SOX5: variants seen among roughly 807,000 people sequenced by gnomAD.
SOX5 encodes SRY-box transcription factor 5.
Under a neutral mutation model 92.0 loss-of-function variants are expected in SOX5, and 9 were observed. The observed-to-expected ratio is 0.10, with a 90% CI of 0.06 to 0.17. SOX5 has a LOEUF of 0.17. Ranked by LOEUF, SOX5 falls within the 10% of genes least tolerant of loss-of-function variation. SOX5 has a pLI of 1.00. For synonymous variants in SOX5, 344 were observed against 336.3 expected (o/e 1.02, Z -0.25); for missense variants, 642 against 944.5 (o/e 0.68, Z 4.20).
chr12:23,713,536 T>G (rs2092243372), intron 6 of SOX5, among the ~76,000 whole-genome samples: 1 of 151,910 alleles, frequency 6.6e-6, no homozygotes, highest in African/African-American at 2.4e-5. Flanking sequence ...CCTAGGGAAT[T>G]TGTGGGATGT....
intron 2 of SOX5, among the ~76,000 whole-genome samples, chr12:23,855,909 A>G (rs898494821): frequency 1.3e-5 from 2 of 151,980 alleles, no homozygotes; most frequent in Non-Finnish European, 2.9e-5. Context: ...AGAGCTAAAG[A>G]CCTATTTTTC....
intron 2 of SOX5, among the ~76,000 whole-genome samples, chr12:24,348,049 CAAAAAA>C: frequency 1.4e-5 from 1 of 72,734 alleles, no homozygotes; most frequent in African/African-American, 4.7e-5. Context: ...TACAGCTAAT[CAAAAAA>C]AAAAAAAAAA....
At chr12:24,074,645 A>AAAAAAAAAAAAAAAAAAAAT (rs1942281802) in intron 4 of SOX5, among the ~76,000 whole-genome samples, 1 of 150,822 alleles carries the variant, frequency 6.6e-6, no homozygotes, top group Non-Finnish European at 1.5e-5. Flanking sequence ...AAAAAAAAAA[A>AAAAAAAAAAAAAAAAAAAAT]AAAAAAAAGC....
intron 2 of SOX5, among the ~76,000 whole-genome samples, chr12:24,317,499 T>A (rs1183283762): frequency 6.6e-6 from 1 of 152,230 alleles, no homozygotes; most frequent in African/African-American, 2.4e-5. Context: ...GATTTTCGTT[T>A]CTATTCCTTA....
At chr12:24,327,594 ATTTTTT>A (rs1223477069) in intron 2 of SOX5, among the ~76,000 whole-genome samples, 1 of 148,590 alleles carries the variant, frequency 6.7e-6, no homozygotes, top group Admixed American at 6.7e-5. Context: ...TTTTATTTTT[ATTTTTT>A]TTAGACAGAG....
In SOX5 at chr12:24,249,948, T is replaced by A. The variant is rs866808223; in HGVS notation, c.-77+27268A>T. On this transcript the variant is annotated intron_variant, in intron 3 of 4. Coordinates refer to the SOX5 transcript ENST00000446891. ...AAGGAAGGGAAATAGTATCACGATA[T>A]TTAAACCACAAGAAAGCCCTGCTTT... is the stretch of plus-strand genomic sequence containing the variant. 2.0e-5 allele frequency among the ~76,000 whole-genome samples: 3 copies of A among 152,302 alleles called. No individual in the cohort carries two copies. The Middle Eastern group carries it at 0.01, about 518-fold the overall frequency.
rs138200639 is a variant in SOX5 at position 23,573,194 on chromosome 12, C to T, written c.1342+2467G>A. ...CTCTCCCCCCTTGAAGAGTAATATA[C>T]ATATTCCTATTTTAAAACCTGTCTC... On this transcript the variant is annotated intron_variant, in intron 10 of 14. Transcript: ENST00000451604. Among the ~76,000 whole-genome samples the T allele has an allele frequency of 2.2e-3, 338 of 152,212 alleles. 3 individuals carry two copies. Among genetic ancestry groups the T allele is most frequent in the African/African-American group, 7.6e-3 (314 of 41,534 alleles).
chr12:24,299,081 T>C (rs1947653930), intron 2 of SOX5, among the ~76,000 whole-genome samples: 1 of 152,234 alleles, frequency 6.6e-6, no homozygotes, highest in East Asian at 1.9e-4. Context: ...TTGTCTTTTC[T>C]CTACTTTGCA....
At chr12:24,265,516 C>T (rs1942882140) in intron 3 of SOX5, among the ~76,000 whole-genome samples, 1 of 151,966 alleles carries the variant, frequency 6.6e-6, no homozygotes, top group South Asian at 2.1e-4. Context: ...TGTACTCCAG[C>T]CTGGGCAACA....
intron 4 of SOX5, among the ~76,000 whole-genome samples, chr12:24,065,645 CAAAA>C (rs71445983): frequency 5.3e-4 from 43 of 81,618 alleles, no homozygotes; most frequent in Non-Finnish European, 7.3e-4. Context: ...GACTCCATCT[CAAAA>C]AAAAAAAAAA....
chr12:23,543,996 C>T (rs909884197), intron 12 of SOX5, among the ~76,000 whole-genome samples: 22 of 152,294 alleles, frequency 1.4e-4, no homozygotes, highest in African/African-American at 5.3e-4. Flanking sequence ...AATGACAGGT[C>T]TGCCCCCCAA....
At position 24,056,244 on chromosome 12, in the gene SOX5, C is replaced by T. The variant is rs77890142; in HGVS notation, c.-2+157099G>A. On this transcript the variant is annotated intron_variant, in intron 4 of 4. Transcript: ENST00000446891. ...TCCCCACCTTTGAAAAGTCCAAGAC[C>T]GAGAGACCCACCATGTAGATCCACA... Among the ~76,000 whole-genome samples, 956 of 149,890 alleles carry T rather than the reference C, an allele frequency of 6.4e-3. 12 individuals are homozygous for T. Among genetic ancestry groups the T allele is most frequent in the South Asian group, 0.037 (172 of 4,698 alleles).
intron 4 of SOX5, among the ~76,000 whole-genome samples, chr12:24,128,703 T>C (rs1949354521): frequency 6.6e-6 from 1 of 152,116 alleles, no homozygotes; most frequent in Admixed American, 6.6e-5. Context: ...CAGGGCCTTT[T>C]TGGTCATGGC....
At chr12:23,849,726 A>G (rs2096610720) in intron 2 of SOX5, among the ~76,000 whole-genome samples, 1 of 152,220 alleles carries the variant, frequency 6.6e-6, no homozygotes, top group African/African-American at 2.4e-5. Context: ...ACCACATTCC[A>G]GACTTATAAA....
At chr12:23,949,159 C>T (rs1220913876) in intron 1 of SOX5, among the ~76,000 whole-genome samples, 1 of 152,038 alleles carries the variant, frequency 6.6e-6, no homozygotes, top group African/African-American at 2.4e-5. Flanking sequence ...CTTCTGTCAC[C>T]CTAGAAATTA....
rs184653587 is a variant in SOX5 at position 24,096,478 on chromosome 12, A to C, written c.-2+116865T>G. On this transcript the variant is annotated intron_variant, in intron 4 of 4. Transcript: ENST00000446891. ...TCCCATTCTTCCTTTCCCTGAGCCC[A>C]AAAACCACCATTCTACTTCCTGTCT... 5.0e-4 allele frequency among the ~76,000 whole-genome samples: 76 copies of C among 152,238 alleles called. 1 individual carries two copies. The highest frequency in any genetic ancestry group is 1.7e-3 in the African/African-American group (71 of 41,546).
In SOX5 at chr12:24,409,357, G is replaced by A. The variant is rs1182154018; in HGVS notation, c.-250-40718C>T. On this transcript the variant is annotated intron_variant, in intron 1 of 4. Coordinates refer to the SOX5 transcript ENST00000446891. ...CTGTGGGGTGGGGAGTGAGGGGAGGGAATTTAGAGGACAGGTCAATAGGTG... is the reference window on the plus strand; with the variant it reads ...CTGTGGGGTGGGGAGTGAGGGGAGGAAATTTAGAGGACAGGTCAATAGGTG... Among the ~76,000 whole-genome samples, 3 of 152,004 alleles carry A rather than the reference G, an allele frequency of 2.0e-5. No homozygotes were observed. In the South Asian group the frequency reaches 6.2e-4, roughly 32 times the overall value.
At chr12:24,341,441 T>C (rs1253963398) in intron 2 of SOX5, among the ~76,000 whole-genome samples, 1 of 152,172 alleles carries the variant, frequency 6.6e-6, no homozygotes, top group Non-Finnish European at 1.5e-5. Context: ...TCACACCACT[T>C]CACTCCACCT....
chr12:24,269,876 G>A (rs1179918384), intron 3 of SOX5, among the ~76,000 whole-genome samples: 1 of 117,032 alleles, frequency 8.5e-6, no homozygotes, highest in Non-Finnish European at 1.7e-5. Flanking sequence ...TTGAGACAAG[G>A]TCTTCCTATG....
Sources: allele counts gnomAD v4.1 joint callset (sites outside exome capture counted in the v4.1 genomes callset), GRCh38; gene constraint gnomAD v4.1.1; transcripts MANE v1.5; gene names NCBI Gene and HGNC (gene_info 2026-07-23, HGNC 2026-07-21).